Variants in DMD observed in about 807,000 individuals in gnomAD.
DMD encodes mutant dystrophin.
In DMD, 63 loss-of-function variants were observed where a neutral mutation model predicts 330.1. The observed-to-expected ratio is 0.19, with a 90% confidence interval of 0.16 to 0.24. The LOEUF (loss-of-function observed/expected upper bound fraction) is 0.24, where lower values mean the gene tolerates loss of function less well. DMD is among the 10% of genes least tolerant of loss of function. The probability of loss-of-function intolerance (pLI) is 1.00; values close to 1 mark genes in which losing one functional copy is unlikely to be tolerated. For synonymous variants in DMD, 1,223 were observed against 959.8 expected (o/e 1.27, Z -5.07); for missense variants, 3,344 against 2,684.1 (o/e 1.25, Z -5.43).
chrX:31,362,981 A>T (rs1318953044), intron 60 of DMD, among the ~76,000 whole-genome samples: 2 of 111,801 alleles, frequency 1.8e-5, no homozygotes, highest in Non-Finnish European at 3.8e-5. Flanking sequence ...ACAAACAAAC[A>T]ACAGAGTAAA....
At chrX:32,988,219 AT>A (rs1243201709) in intron 2 of DMD, among the ~76,000 whole-genome samples, 1 of 111,422 alleles carries the variant, frequency 9.0e-6, no homozygotes, top group African/African-American at 3.3e-5. Flanking sequence ...CTTAAAAATA[AT>A]CATGATAGCA....
rs189484820 is a variant in DMD at position 32,533,459 on chromosome X, C to T, written c.2168+11700G>A. On this transcript the variant is annotated intron_variant, in intron 17 of 78. Coordinates refer to ENST00000357033, the MANE Select transcript of DMD (RefSeq NM_004006.3). ...CACTTTCCTCATCTTGAGCCCAATG[C>T]TTCCCTACTCTTTAATTATCCAGTC... 2.0e-3 allele frequency among the ~76,000 whole-genome samples: 225 copies of T among 111,759 alleles called. 2 individuals are homozygous for T. Among genetic ancestry groups the T allele is most frequent in the African/African-American group, 6.8e-3 (208 of 30,777 alleles).
intron 4 of DMD, among the ~76,000 whole-genome samples, chrX:32,834,083 T>C (rs2079390797): frequency 1.8e-5 from 2 of 111,685 alleles, no homozygotes; most frequent in Middle Eastern, 4.6e-3. Flanking sequence ...GAAGTGAACA[T>C]TTACTATTAA....
rs185947365 is a variant in DMD at position 33,153,992 on chromosome X, C to G, written c.31+57290G>C. Among the ~76,000 whole-genome samples, 327 of 112,487 alleles carry G rather than the reference C, an allele frequency of 2.9e-3. 1 individual carries two copies. Among genetic ancestry groups the G allele is most frequent in the African/African-American group, 0.01 (311 of 31,095 alleles). On this transcript the variant is annotated intron_variant, in intron 1 of 78. Coordinates refer to ENST00000357033, the MANE Select transcript of DMD (RefSeq NM_004006.3). ...TCTAAAGCTATATCCAAGAATCTTG[C>G]TAAAAATATCAGCTGTGTTATTTTC...
intron 44 of DMD, among the ~76,000 whole-genome samples, chrX:31,974,845 A>G (rs2095424459): frequency 9.0e-6 from 1 of 110,649 alleles, no homozygotes; most frequent in South Asian, 3.8e-4. Context: ...CATTTACCTA[A>G]TATCAAATTG....
chrX:32,388,341 C>CTTTTTTTTTTTTTTTTTTTTTTT (rs3044988), intron 32 of DMD, among the ~76,000 whole-genome samples: 4 of 78,567 alleles, frequency 5.1e-5, no homozygotes, highest in African/African-American at 2.3e-4. Context: ...TTATGCTTTC[C>CTTTTTTTTTTTTTTTTTTTTTTT]TTTTTTTTTT....
Position 32,732,217 on chromosome X carries a change from G to C in DMD, c.650-32924C>G, listed in dbSNP as rs757147369. 4.7e-3 allele frequency among the ~76,000 whole-genome samples: 514 copies of C among 110,467 alleles called. 12 individuals are homozygous for C. The highest frequency in any genetic ancestry group is 0.016 in the African/African-American group (487 of 30,450). On this transcript the variant is annotated intron_variant, in intron 7 of 78. Transcript: ENST00000357033. ...CGAGAAGGGAAGTTTAGAGGAAAAA[G>C]AATAAAAAGAAATGAGCAAAGCCTC... is the stretch of plus-strand genomic sequence containing the variant.
intron 43 of DMD, among the ~76,000 whole-genome samples, chrX:32,220,065 G>A (rs1322696408): frequency 9.0e-6 from 1 of 111,635 alleles, no homozygotes; most frequent in Non-Finnish European, 1.9e-5. Flanking sequence ...CTGGAGGTAG[G>A]AAGAGAAGGG....
chrX:31,555,251 G>A (rs376941052), intron 55 of DMD, among the ~76,000 whole-genome samples: 14 of 111,663 alleles, frequency 1.3e-4, no homozygotes, highest in East Asian at 1.1e-3. Context: ...CTAACTTGAT[G>A]TCATTGAATG....
chrX:31,541,100 C>T (rs928338022), intron 55 of DMD, among the ~76,000 whole-genome samples: 3 of 111,682 alleles, frequency 2.7e-5, no homozygotes, highest in African/African-American at 9.8e-5. Context: ...GCTGCTCTGT[C>T]TAACACAGGA....
At chrX:31,548,452 A>C (rs1220089930) in intron 55 of DMD, among the ~76,000 whole-genome samples, 3 of 112,179 alleles carry the variant, frequency 2.7e-5, no homozygotes, top group Non-Finnish European at 5.6e-5. Context: ...AAGGAACAGA[A>C]AAAAAATTAG....
intron 1 of DMD, among the ~76,000 whole-genome samples, chrX:33,091,909 T>G (rs973862511): frequency 3.8e-4 from 43 of 112,194 alleles, no homozygotes; most frequent in African/African-American, 1.3e-3. Context: ...GAGACCTTCC[T>G]GATCCCAAAC....
At chrX:31,557,166 G>A (rs1027408252) in intron 55 of DMD, among the ~76,000 whole-genome samples, 3 of 111,689 alleles carry the variant, frequency 2.7e-5, no homozygotes, top group Non-Finnish European at 5.6e-5. Context: ...GAGGAGCTGC[G>A]GGAGACAGTA....
intron 56 of DMD, among the ~76,000 whole-genome samples, chrX:31,505,177 T>C (rs1288668412): frequency 8.9e-6 from 1 of 112,126 alleles, no homozygotes; most frequent in African/African-American, 3.2e-5. Flanking sequence ...ATTTTCATTC[T>C]TTTTTAATGA....
At chrX:32,319,153 T>C (rs781542703) in intron 41 of DMD, among the ~76,000 whole-genome samples, 1 of 111,642 alleles carries the variant, frequency 9.0e-6, no homozygotes, top group Non-Finnish European at 1.9e-5. Context: ...AGTAACTTGA[T>C]AAAATTTTAG....
chrX:31,619,106 C>T (rs1001221927), intron 55 of DMD, among the ~76,000 whole-genome samples: 15 of 111,127 alleles, frequency 1.3e-4, no homozygotes, highest in Middle Eastern at 4.7e-3. Context: ...ATTATTATTA[C>T]CCCCCTTAAT....
chrX:32,734,444 T>G (rs1428943788), intron 7 of DMD, among the ~76,000 whole-genome samples: 25 of 107,096 alleles, frequency 2.3e-4, no homozygotes, highest in Non-Finnish European at 4.0e-4. Context: ...TACGAAAGCC[T>G]GGCAGAGACA....
At chrX:33,069,130 G>T (rs1428889126) in intron 1 of DMD, among the ~76,000 whole-genome samples, 1 of 111,695 alleles carries the variant, frequency 9.0e-6, no homozygotes, top group Non-Finnish European at 1.9e-5. Context: ...GGTGCTAATT[G>T]CTTTACACAT....
intron 30 of DMD, among the ~76,000 whole-genome samples, chrX:32,407,687 G>A (rs999893333): frequency 5.5e-5 from 6 of 109,974 alleles, no homozygotes; most frequent in South Asian, 3.9e-4. Context: ...TGTTTATTGC[G>A]GCACTATTCT....
Sources: allele counts gnomAD v4.1 joint callset (sites outside exome capture counted in the v4.1 genomes callset), GRCh38; gene constraint gnomAD v4.1.1; transcripts MANE v1.5; gene names NCBI Gene and HGNC (gene_info 2026-07-23, HGNC 2026-07-21).